The following CD53 variants were observed in gnomAD, a reference collection of about 807,000 sequenced individuals.
CD53 encodes CD53 molecule.
Under a neutral mutation model 27.3 loss-of-function variants are expected in CD53, and 20 were observed. The ratio of observed to expected loss-of-function variants is 0.73; its 90% confidence interval spans 0.52 to 1.07. CD53 has a LOEUF of 1.07. Among genes scored for constraint, CD53 ranks in the 50% least tolerant of loss-of-function variants. CD53 has a pLI of 0.00. For synonymous variants in CD53, 106 were observed against 105.3 expected (o/e 1.01, Z -0.04); for missense variants, 216 against 264.0 (o/e 0.82, Z 1.26).
chr1:110,891,571 G>A (rs751852824), intron 2 of CD53, 100 bp downstream of exon 2: 37 of 868,700 alleles, frequency 4.3e-5, no homozygotes, highest in Non-Finnish European at 6.1e-5. Flanking sequence ...AAATGCATGC[G>A]TGTTTGGGTC....
intron 3 of CD53, among the ~76,000 whole-genome samples, chr1:110,893,552 C>CT: frequency 6.6e-6 from 1 of 152,348 alleles, no homozygotes; most frequent in Middle Eastern, 3.4e-3. Flanking sequence ...TAACTCCCGA[C>CT]TTTAGGTGAT....
intron 1 of CD53, among the ~76,000 whole-genome samples, chr1:110,889,664 A>C (rs1239859493): frequency 2.0e-5 from 3 of 152,166 alleles, no homozygotes; most frequent in Non-Finnish European, 4.4e-5. Context: ...AAGATCATTT[A>C]ATATTCACAA....
intron 1 of CD53, among the ~76,000 whole-genome samples, chr1:110,878,163 T>C (rs1030441355): frequency 1.5e-4 from 23 of 152,350 alleles, no homozygotes; most frequent in African/African-American, 5.5e-4. Flanking sequence ...ATTTGAGGAT[T>C]ATAAATAAGA....
intron 1 of CD53, among the ~76,000 whole-genome samples, chr1:110,886,870 T>TATATATATATATATATA (rs1491267172): frequency 2.8e-4 from 10 of 35,522 alleles, no homozygotes; most frequent in East Asian, 8.1e-4. Flanking sequence ...TATATATATA[T>TATATATATATATATATA]TTTTTTTTTC....
At chr1:110,878,842 C>A (rs1324484225) in intron 1 of CD53, among the ~76,000 whole-genome samples, 2 of 152,136 alleles carry the variant, frequency 1.3e-5, no homozygotes, top group African/African-American at 4.8e-5. Flanking sequence ...ATAACGTATT[C>A]TCAATCTTAG....
intron 4 of CD53, 48 bp from the exon 5 acceptor site, chr1:110,894,912 C>A: frequency 7.0e-7 from 1 of 1,431,238 alleles, no homozygotes; most frequent in Non-Finnish European, 9.9e-7. Flanking sequence ...ATTCCTTGAA[C>A]TCACCTGCTT....
Position 110,879,764 on chromosome 1 carries a change from C to T in CD53, c.-18+6516C>T, listed in dbSNP as rs927019278. Among the ~76,000 whole-genome samples, 4 of 151,986 alleles carry T rather than the reference C, an allele frequency of 2.6e-5. No individual in the cohort carries two copies. In the East Asian group the frequency reaches 7.7e-4, roughly 29 times the overall value. On this transcript the variant is annotated intron_variant, in intron 1 of 7. Coordinates refer to ENST00000271324, the MANE Select transcript of CD53 (RefSeq NM_000560.4). ...AAATTTTAAAATAGAGACAGGGTCT[C>T]TCTATGTTGTTCAGGCTGGTCTTAA...
Position 110,899,229 on chromosome 1 carries a change from C to T in CD53, c.*34C>T. 1 of 1,505,818 alleles carries T rather than the reference C, an allele frequency of 6.6e-7. No individual in the cohort carries two copies. The highest frequency in any genetic ancestry group is 9.3e-7 in the Non-Finnish European group (1 of 1,081,042). 93.3% of individuals were successfully genotyped at this position (1,505,818 alleles called of 1,614,324 possible). A position where few individuals can be genotyped will look rare whatever the true frequency, so the allele number is the denominator to read the frequency against. ...AGTCCTGTGGTGAAGAGACTTGTTT[C>T]ATCTCCGGAAATGCAAAACCATTTA... On this transcript the variant is annotated 3_prime_UTR_variant, in exon 8 of 8. Coordinates refer to ENST00000271324, the MANE Select transcript of CD53 (RefSeq NM_000560.4).
chr1:110,879,711 T>G (rs1490699448), intron 1 of CD53, among the ~76,000 whole-genome samples: 1 of 152,126 alleles, frequency 6.6e-6, no homozygotes, highest in African/African-American at 2.4e-5. Context: ...GAAGAACTGA[T>G]AGAGGTTCTT....
At chr1:110,895,637 A>G (rs1254663402) in intron 5 of CD53, among the ~76,000 whole-genome samples, 1 of 152,244 alleles carries the variant, frequency 6.6e-6, no homozygotes. Context: ...CACAGGAATT[A>G]GAGCCTGGAG....
upstream of CD53, among the ~76,000 whole-genome samples, chr1:110,871,800 TC>T (rs1655975766): frequency 8.8e-6 from 1 of 113,288 alleles, no homozygotes; most frequent in East Asian, 2.5e-4. Flanking sequence ...GAAAAATTGT[TC>T]CCCAAGAGAA....
intron 1 of CD53, among the ~76,000 whole-genome samples, chr1:110,883,163 C>T (rs951254038): frequency 1.3e-5 from 2 of 151,874 alleles, no homozygotes; most frequent in African/African-American, 4.8e-5. Flanking sequence ...TGGTGTTATA[C>T]CATTAAGTAT....
chr1:110,890,942 T>C (rs532872050), intron 1 of CD53, among the ~76,000 whole-genome samples: 1 of 152,376 alleles, frequency 6.6e-6, no homozygotes, highest in South Asian at 2.1e-4. Context: ...TGATCAAATG[T>C]AGCATGTACA....
chr1:110,897,538 G>T, intron 6 of CD53: 1 of 296,774 alleles, frequency 3.4e-6, no homozygotes, highest in South Asian at 7.0e-5. Flanking sequence ...TTGCTGACCT[G>T]CCTCTTAGAA....
At chr1:110,882,395 G>C (rs866322411) in intron 1 of CD53, among the ~76,000 whole-genome samples, 1 of 151,810 alleles carries the variant, frequency 6.6e-6, no homozygotes, top group Non-Finnish European at 1.5e-5. Flanking sequence ...AAAATCAGTT[G>C]TCCATATGCA....
chr1:110,880,446 T>C (rs918957024), intron 1 of CD53: 1 of 152,080 alleles, frequency 6.6e-6, no homozygotes, highest in African/African-American at 2.4e-5. Flanking sequence ...AGTAGGAATG[T>C]CCCTAAGTTT....
chr1:110,887,889 T>C (rs1656689285), intron 1 of CD53, among the ~76,000 whole-genome samples: 1 of 152,172 alleles, frequency 6.6e-6, no homozygotes, highest in South Asian at 2.1e-4. Flanking sequence ...CCATGCACCT[T>C]ATAGGGCAAA....
chr1:110,887,058 GTTTAT>G (rs71096370), intron 1 of CD53, among the ~76,000 whole-genome samples: 8 of 146,770 alleles, frequency 5.5e-5, no homozygotes, highest in Admixed American at 1.4e-4. Context: ...CTCTATTTAT[GTTTAT>G]TTTATTTTAT....
At chr1:110,874,864 C>T (rs1656064667) in intron 1 of CD53, among the ~76,000 whole-genome samples, 1 of 152,082 alleles carries the variant, frequency 6.6e-6, no homozygotes, top group African/African-American at 2.4e-5. Context: ...GCACAGAGGC[C>T]CTCGGACTCT....
Sources: allele counts gnomAD v4.1 joint callset (sites outside exome capture counted in the v4.1 genomes callset), GRCh38; gene constraint gnomAD v4.1.1; transcripts MANE v1.5; gene names NCBI Gene and HGNC (gene_info 2026-07-23, HGNC 2026-07-21).